Variants in PATJ observed in about 807,000 individuals in gnomAD.
PATJ encodes inaD-like protein.
Under a neutral mutation model 224.9 loss-of-function variants are expected in PATJ, and 190 were observed. That is an observed-to-expected ratio of 0.84 (90% CI 0.75 to 0.95). The LOEUF is 0.95. Ranked by LOEUF, PATJ falls within the 40% of genes least tolerant of loss-of-function variation. The pLI is 0.00. For missense variants in PATJ, 2,121 were observed against 2,270.3 expected, an observed-to-expected ratio of 0.93 and a Z score of 1.34; for synonymous variants, 769 against 820.3, an observed-to-expected ratio of 0.94 and a Z score of 1.07.
chr1:61,763,532 CAAA>C (rs201666311), intron 3 of PATJ, among the ~76,000 whole-genome samples: 8 of 75,484 alleles, frequency 1.1e-4, no homozygotes, highest in Admixed American at 4.6e-4. Context: ...GACCCTGTCT[CAAA>C]AAAAAAAAAA....
chr1:62,036,834 T>C (rs1650471767), intron 29 of PATJ, among the ~76,000 whole-genome samples: 1 of 115,554 alleles, frequency 8.7e-6, no homozygotes, highest in Non-Finnish European at 1.7e-5. Flanking sequence ...GTTGTGCCGC[T>C]GCACTCCAGC....
chr1:61,902,166 A>G (rs1450350433), intron 24 of PATJ, among the ~76,000 whole-genome samples: 1 of 151,586 alleles, frequency 6.6e-6, no homozygotes, highest in African/African-American at 2.4e-5. Context: ...GGTCTCAGTG[A>G]GCCAAGATCG....
intron 27 of PATJ, among the ~76,000 whole-genome samples, chr1:61,963,200 A>G (rs886821062): frequency 2.0e-5 from 3 of 152,142 alleles, no homozygotes; most frequent in African/African-American, 7.2e-5. Flanking sequence ...CTAATAGCCT[A>G]CTCTTGGCTT....
chr1:62,052,044 T>G (rs1653726189), intron 31 of PATJ, among the ~76,000 whole-genome samples: 1 of 152,136 alleles, frequency 6.6e-6, no homozygotes, highest in African/African-American at 2.4e-5. Context: ...ATCATCTGCT[T>G]TTCTGTTTTG....
intron 20 of PATJ, among the ~76,000 whole-genome samples, chr1:61,871,140 C>T (rs1571012025): frequency 9.3e-6 from 1 of 107,652 alleles, no homozygotes; most frequent in Non-Finnish European, 2.0e-5. Flanking sequence ...TTATTTTCTT[C>T]TCTTTTTAGA....
chr1:62,025,011 T>TATCA (rs1342375480), intron 29 of PATJ, among the ~76,000 whole-genome samples: 1 of 152,204 alleles, frequency 6.6e-6, no homozygotes, highest in Non-Finnish European at 1.5e-5. Context: ...TCCTATAGCC[T>TATCA]ATCAATTTTG....
chr1:61,824,000 G>A, intron 15 of PATJ, among the ~76,000 whole-genome samples: 1 of 152,108 alleles, frequency 6.6e-6, no homozygotes, highest in South Asian at 2.1e-4. Context: ...GTGTTCAAGG[G>A]AATGGTATTA....
Position 61,766,458 on chromosome 1 carries a change from T to C in PATJ, c.369T>C (p.Ile123=), listed in dbSNP as rs11207827. 396,612 of 1,593,274 alleles carry C rather than the reference T, an allele frequency of 0.25. 51,895 individuals carry two copies. The highest frequency in any genetic ancestry group is 0.44 in the East Asian group (19,623 of 44,322). ...KLGNEDFNSV[I]QQMAQGRQIE... is the part of the protein sequence containing the mutation. Reference sequence around the variant, plus strand: ...GAAATGAAGACTTTAACTCAGTCATTCAACAGATGGCTCAGGTAAAGTTGT... The same window carrying C: ...GAAATGAAGACTTTAACTCAGTCATCCAACAGATGGCTCAGGTAAAGTTGT... The change falls in exon 4 of 44, where the codon ATT becomes ATC. Residue 123 remains isoleucine, a synonymous_variant. Transcript: ENST00000642238.
chr1:61,880,888 G>C (rs919310116), intron 21 of PATJ, among the ~76,000 whole-genome samples: 1 of 152,192 alleles, frequency 6.6e-6, no homozygotes, highest in East Asian at 1.9e-4. Context: ...GAGGTCAGGA[G>C]TTCAAGACCA....
chr1:62,030,168 G>A (rs886836593), intron 29 of PATJ, among the ~76,000 whole-genome samples: 9 of 152,118 alleles, frequency 5.9e-5, no homozygotes, highest in African/African-American at 1.2e-4. Context: ...TAGACTCAGC[G>A]GTGTTTTAAA....
At chr1:62,145,178 A>G (rs2149015411) in intron 41 of PATJ, among the ~76,000 whole-genome samples, 1 of 152,318 alleles carries the variant, frequency 6.6e-6, no homozygotes. Flanking sequence ...AGAGATATTC[A>G]TCCATTCTTT....
chr1:62,060,217 A>G (rs943385299), intron 31 of PATJ, among the ~76,000 whole-genome samples: 4 of 152,172 alleles, frequency 2.6e-5, no homozygotes, highest in Non-Finnish European at 5.9e-5. Context: ...AAGCGTTAAT[A>G]CTGTCGTCAT....
chr1:61,891,048 A>G (rs1463480192), intron 22 of PATJ, among the ~76,000 whole-genome samples: 1 of 150,054 alleles, frequency 6.7e-6, no homozygotes, highest in Non-Finnish European at 1.5e-5. Flanking sequence ...TTGATTAACA[A>G]AAAAAAAAAT....
intron 26 of PATJ, among the ~76,000 whole-genome samples, chr1:61,918,333 A>C (rs1345134251): frequency 7.3e-6 from 1 of 137,132 alleles, no homozygotes; most frequent in Non-Finnish European, 1.5e-5. Context: ...TTTTGGAGAC[A>C]GTCTTGCTGT....
chr1:62,002,444 C>T (rs962878279), intron 28 of PATJ, among the ~76,000 whole-genome samples: 55 of 152,266 alleles, frequency 3.6e-4, no homozygotes, highest in African/African-American at 1.3e-3. Flanking sequence ...CAGTGGCTCA[C>T]ACCTGTAATC....
chr1:62,007,416 GA>G (rs1446367773), intron 28 of PATJ, among the ~76,000 whole-genome samples: 2 of 152,210 alleles, frequency 1.3e-5, no homozygotes, highest in Non-Finnish European at 2.9e-5. Flanking sequence ...CCTTTGGACA[GA>G]AAGCTTTTTC....
intron 4 of PATJ, 46 bp downstream of exon 4, chr1:61,766,519 G>GT: frequency 7.3e-7 from 1 of 1,364,934 alleles, no homozygotes; most frequent in Non-Finnish European, 1.0e-6. Context: ...CATTTCTCCT[G>GT]TTTTAGTTTT....
At chr1:62,139,399 CAAAAAAAAAA>C (rs4019658) in intron 41 of PATJ, among the ~76,000 whole-genome samples, 10 of 94,894 alleles carry the variant, frequency 1.1e-4, no homozygotes, top group African/African-American at 1.0e-4. Context: ...GACTCCATCT[CAAAAAAAAAA>C]AAAAAAAAAA....
intron 28 of PATJ, among the ~76,000 whole-genome samples, chr1:62,013,728 A>G (rs1050205792): frequency 6.6e-6 from 1 of 152,218 alleles, no homozygotes; most frequent in African/African-American, 2.4e-5. Context: ...ATAGACATTC[A>G]CAAATGCTTA....
Sources: gnomAD v4.1 joint callset for allele counts (sites outside exome capture counted in the v4.1 genomes callset) on GRCh38, gnomAD v4.1.1 for gene constraint, MANE v1.5 for transcripts, NCBI Gene and HGNC (gene_info 2026-07-23, HGNC 2026-07-21) for gene names.